SIGLEC1: variants seen among roughly 807,000 people sequenced by gnomAD.
SIGLEC1 encodes sialoadhesin.
A neutral mutation model predicts 148.0 loss-of-function variants in SIGLEC1; 132 were observed. The observed-to-expected ratio is 0.89, with a 90% CI of 0.77 to 1.03. SIGLEC1 has a LOEUF of 1.03. Among genes scored for constraint, SIGLEC1 ranks in the 50% least tolerant of loss-of-function variants. The probability of loss-of-function intolerance (pLI) is 0.00; values close to 1 mark genes in which losing one functional copy is unlikely to be tolerated. For synonymous variants in SIGLEC1, 945 were observed against 969.0 expected, an observed-to-expected ratio of 0.98 and a Z score of 0.46; for missense variants, 2,253 against 2,271.4, an observed-to-expected ratio of 0.99 and a Z score of 0.16.
At position 3,691,385 on chromosome 20, in the gene SIGLEC1, G is replaced by A. The variant is rs926370702; in HGVS notation, c.4546C>T (p.Pro1516Ser). 26 of 1,613,362 alleles carry A rather than the reference G, an allele frequency of 1.6e-5. No individual in the cohort carries two copies. The highest frequency in any genetic ancestry group is 8.0e-5 in the African/African-American group (6 of 74,958). The change falls in exon 18 of 22, where the codon CCC becomes TCC. Residue 1516 changes from proline to serine, a missense_variant. Transcript: ENST00000344754. ...GGAGCAGAGGCAGCAGCCCCAGTGG[G>A]GAGCTCAGCCAGGCAGTGGTACATC... Reference protein sequence around the residue: ...AGMYHCLAELPTGAAASAPVM... With the variant: ...AGMYHCLAELSTGAAASAPVM...
In SIGLEC1 at chr20:3,690,132, G is replaced by A. The variant is rs777450162; in HGVS notation, c.4724C>T (p.Ser1575Phe). The change falls in exon 19 of 22, where the codon TCC (serine) becomes TTC (phenylalanine). Residue 1575 changes from serine (S) to phenylalanine (F), a missense_variant. Transcript: ENST00000344754. ...TLHLGSRLVA[S>F]SQPQGAPAEP... ...TGCAGGAGCACCCTGGGGCTGACTGGAGGCCACCAGTCGACTGCCAAGGTG... is the reference window on the plus strand; with the variant it reads ...TGCAGGAGCACCCTGGGGCTGACTGAAGGCCACCAGTCGACTGCCAAGGTG... 12 of 1,606,906 alleles carry A rather than the reference G, an allele frequency of 7.5e-6. No individual in the cohort carries two copies. In the South Asian group the frequency reaches 1.2e-4, roughly 16 times the overall value.
At position 3,696,639 on chromosome 20, in the gene SIGLEC1, T is replaced by C; in HGVS notation, c.2630A>G (p.Glu877Gly). Residue 877 changes from glutamate (E) to glycine (G), a missense_variant, in exon 11 of 22, where the codon GAG (glutamate) becomes GGG (glycine). Coordinates refer to ENST00000344754, the MANE Select transcript of SIGLEC1 (RefSeq NM_023068.4). ...GGATGATCCAAGAACATTTGTGGCC[T>C]CACAGCGGTAGCTGCCAGAGTCCCC... ...GLGDSGSYRC[E>G]ATNVLGSSNT... is the part of the protein sequence containing the mutation. 1.2e-6 allele frequency: 2 copies of C among 1,613,714 alleles called. No homozygotes were observed. The highest frequency in any genetic ancestry group is 8.5e-7 in the Non-Finnish European group (1 of 1,179,954).
At chr20:3,693,290 C>A (rs894910723) in intron 14 of SIGLEC1, among the ~76,000 whole-genome samples, 157 bp downstream of exon 14, 5 of 152,218 alleles carry the variant, frequency 3.3e-5, no homozygotes, top group Non-Finnish European at 7.4e-5. Flanking sequence ...CAGGACTCAC[C>A]CCAGCGCCCC....
chr20:3,693,620 G>A lies in SIGLEC1; in HGVS notation c.3335C>T (p.Thr1112Ile). 7 of 1,612,198 alleles carry A rather than the reference G, an allele frequency of 4.3e-6. No homozygotes were observed. Among genetic ancestry groups the A allele is most frequent in the East Asian group, 2.2e-5 (1 of 44,834 alleles). ...LVNLTCLVWTTHPAQLTYTWY... is the reference protein window; with the variant it reads ...LVNLTCLVWTIHPAQLTYTWY... The stretch of plus-strand genomic sequence containing the variant: ...TGTGTAGGTGAGCTGGGCCGGGTGA[G>A]TGGTCCACACAAGGCAGGTCAGGTT... Residue 1112 changes from threonine to isoleucine, a missense_variant, in exon 14 of 22, where the codon ACT becomes ATT. Transcript: ENST00000344754.
Position 3,693,489 on chromosome 20 carries a change from G to T in SIGLEC1, c.3466C>A (p.Arg1156=). The T allele has an allele frequency of 6.2e-7, 1 of 1,603,640 alleles. No homozygotes were observed. Among genetic ancestry groups the T allele is most frequent in the South Asian group, 1.1e-5 (1 of 89,810 alleles). The change falls in exon 14 of 22, where the codon CGG becomes AGG. Residue 1156 remains arginine, a synonymous_variant. Coordinates refer to ENST00000344754, the MANE Select transcript of SIGLEC1 (RefSeq NM_023068.4). ...ATAGGTCTGGAGAGGCGGGGTGCCC[G>T]ACCAGGGGGGCCCACACCGCAGCGG... The part of the protein sequence containing the change: ...SYRCGVGPPG[R]APRLSRPITL...
chr20:3,694,320 C>T lies in SIGLEC1; in HGVS notation c.3157G>A (p.Glu1053Lys), dbSNP rs1231557118. 1.2e-6 allele frequency: 2 copies of T among 1,613,190 alleles called. No homozygotes were observed. The highest frequency in any genetic ancestry group is 1.7e-5 in the Admixed American group (1 of 60,022). The change falls in exon 13 of 22, where the codon GAG (glutamate) becomes AAG (lysine). Residue 1053 changes from glutamate (E) to lysine (K), a missense_variant. By Grantham distance (56) the Glu-to-Lys change is moderately conservative (BLOSUM62 1). Coordinates refer to ENST00000344754, the MANE Select transcript of SIGLEC1 (RefSeq NM_023068.4). ...VAVAPNTLRL[E>K]IHGAMLEDEG... The stretch of plus-strand genomic sequence containing the variant: ...TCCTCCAGCATAGCCCCGTGGATCT[C>T]CAGACGCAGTGTGTTGGGGGCCACA...
At chr20:3,695,818 AATT>A (rs2088815255) in intron 11 of SIGLEC1, among the ~76,000 whole-genome samples, 1 of 82,618 alleles carries the variant, frequency 1.2e-5, no homozygotes, top group Admixed American at 1.3e-4. Context: ...GTTTAGGGAG[AATT>A]TTTTTTTTTT....
At chr20:3,701,764 C>A (rs1014121352) in intron 6 of SIGLEC1, 123 bp from the exon 7 acceptor site, 1 of 937,568 alleles carries the variant, frequency 1.1e-6, no homozygotes, top group Non-Finnish European at 1.5e-6. Context: ...GGGGTGATCC[C>A]AAAGTGCCTG....
intron 6 of SIGLEC1, among the ~76,000 whole-genome samples, chr20:3,702,541 T>C (rs1381266933): frequency 6.6e-6 from 1 of 150,598 alleles, no homozygotes; most frequent in Non-Finnish European, 1.5e-5. Flanking sequence ...TGAGCCAAGA[T>C]AGCACCATTG....
chr20:3,694,643 G>A lies in SIGLEC1; in HGVS notation c.2944+20C>T. Reference sequence around the variant, plus strand: ...GACTGCATTCCTTCCCCCACACCTGGATGGGACAAAAGTCCTTACAGGACA... The same window carrying A: ...GACTGCATTCCTTCCCCCACACCTGAATGGGACAAAAGTCCTTACAGGACA... On this transcript the variant is annotated intron_variant, in intron 12 of 21. Transcript: ENST00000344754. 2 of 1,601,188 alleles carry A rather than the reference G, an allele frequency of 1.2e-6. No homozygotes were observed. The highest frequency in any genetic ancestry group is 1.1e-5 in the South Asian group (1 of 89,406).
chr20:3,705,538 C>A (rs990713067), intron 4 of SIGLEC1, among the ~76,000 whole-genome samples: 1 of 152,212 alleles, frequency 6.6e-6, no homozygotes, highest in East Asian at 1.9e-4. Context: ...CAAGCCCCTT[C>A]GAAGCAGTAG....
At chr20:3,695,604 T>C (rs592746) in intron 11 of SIGLEC1, among the ~76,000 whole-genome samples, 970 of 152,274 alleles carry the variant, frequency 6.4e-3, no homozygotes, top group Middle Eastern at 0.01. Flanking sequence ...AGCAGGGTCA[T>C]GCAACTGGGG....
At position 3,703,974 on chromosome 20, in the gene SIGLEC1, T is replaced by C. The variant is rs1353133040; in HGVS notation, c.824A>G (p.Lys275Arg). The C allele has an allele frequency of 6.2e-7, 1 of 1,612,372 alleles. No homozygotes were observed. The highest frequency in any genetic ancestry group is 8.5e-7 in the Non-Finnish European group (1 of 1,178,896). ...GAGGCGTACCCCATCCTTGAGCCACTTAATGGAACTGACTGCAGGGTAGCT... is the reference window on the plus strand; with the variant it reads ...GAGGCGTACCCCATCCTTGAGCCACCTAATGGAACTGACTGCAGGGTAGCT... ...NSSYPAVSSI[K>R]WLKDGVRLQT... The change falls in exon 5 of 22, where the codon AAG becomes AGG. Residue 275 changes from lysine to arginine, a missense_variant. By Grantham distance (26) the Lys-to-Arg change is conservative (BLOSUM62 2). Coordinates refer to ENST00000344754, the MANE Select transcript of SIGLEC1 (RefSeq NM_023068.4).
At chr20:3,698,169 G>C (rs191814876) in intron 8 of SIGLEC1, 36 bp from the exon 9 acceptor site, 5 of 1,512,738 alleles carry the variant, frequency 3.3e-6, no homozygotes, top group Middle Eastern at 2.1e-4. Context: ...TCATCCCACG[G>C]ATGCTCCAGG....
At position 3,704,043 on chromosome 20, in the gene SIGLEC1, A is replaced by T; in HGVS notation, c.755T>A (p.Ile252Asn). 6.2e-7 allele frequency: 1 copy of T among 1,613,618 alleles called. No individual in the cohort carries two copies. The highest frequency in any genetic ancestry group is 1.1e-5 in the South Asian group (1 of 91,048). ...KILLSPSGRN[I>N]LPGELVTLTC... is the part of the protein sequence containing the mutation. ...GAGTGTGACCAGCTCACCTGGAAGG[A>T]TGTTCCTCCCCGAGGGGCTGAGGAG... The change falls in exon 5 of 22, where the codon ATC becomes AAC. Residue 252 changes from isoleucine (I) to asparagine (N), a missense_variant. Transcript: ENST00000344754.
intron 6 of SIGLEC1, among the ~76,000 whole-genome samples, chr20:3,702,232 C>T (rs2087857989): frequency 6.6e-6 from 1 of 152,138 alleles, no homozygotes; most frequent in South Asian, 2.1e-4. Context: ...AAAAAAATGG[C>T]TACAAAAGAC....
At position 3,693,057 on chromosome 20, in the gene SIGLEC1, C is replaced by T; in HGVS notation, c.3583G>A (p.Val1195Met). Residue 1195 changes from valine (V) to methionine (M), a missense_variant, in exon 15 of 22, where the codon GTG becomes ATG. Coordinates refer to ENST00000344754, the MANE Select transcript of SIGLEC1 (RefSeq NM_023068.4). ...AGCTGGGCGGGCGGGCGGCTGTCCACAGTGCACAGTACCAGGGCCAGCTGC... is the reference window on the plus strand; with the variant it reads ...AGCTGGGCGGGCGGGCGGCTGTCCATAGTGCACAGTACCAGGGCCAGCTGC... ...GGQLALVLCT[V>M]DSRPPAQLAL... 1.2e-6 allele frequency: 2 copies of T among 1,608,610 alleles called. No individual in the cohort carries two copies. The highest frequency in any genetic ancestry group is 1.1e-5 in the South Asian group (1 of 90,894).
At position 3,694,453 on chromosome 20, in the gene SIGLEC1, G is replaced by A. The variant is rs751000522; in HGVS notation, c.3024C>T (p.Asp1008=). 23 of 1,608,812 alleles carry A rather than the reference G, an allele frequency of 1.4e-5. No homozygotes were observed. Among genetic ancestry groups the A allele is most frequent in the Non-Finnish European group, 1.7e-5 (20 of 1,176,948 alleles). ...GCCGCAGCTGGGCCGGAGGGTCACT[G>A]TCCACACGGCACAGGAGGAGGCCCA... is the stretch of plus-strand genomic sequence containing the variant. ...GRLGLLLCRV[D]SDPPAQLRLL... The change falls in exon 13 of 22, where the codon GAC becomes GAT. Residue 1008 remains aspartate, a synonymous_variant. Coordinates refer to ENST00000344754, the MANE Select transcript of SIGLEC1 (RefSeq NM_023068.4).
At position 3,691,541 on chromosome 20, in the gene SIGLEC1, T is replaced by C; in HGVS notation, c.4390A>G (p.Ser1464Gly). Residue 1464 changes from serine to glycine, a missense_variant, in exon 18 of 22, where the codon AGC becomes GGC. Transcript: ENST00000344754. ...CCAGGGCCACCCAGGAGGCGGCAGCTGAGGTTCAGGGCAGCGCCCTCAGGC... is the reference window on the plus strand; with the variant it reads ...CCAGGGCCACCCAGGAGGCGGCAGCCGAGGTTCAGGGCAGCGCCCTCAGGC... ...DVPEGAALNLSCRLLGGPGPV... is the reference protein window; with the variant it reads ...DVPEGAALNLGCRLLGGPGPV... 1 of 1,613,184 alleles carries C rather than the reference T, an allele frequency of 6.2e-7. No individual in the cohort carries two copies. Among genetic ancestry groups the C allele is most frequent in the Non-Finnish European group, 8.5e-7 (1 of 1,179,994 alleles).
Sources: allele counts gnomAD v4.1 joint callset (sites outside exome capture counted in the v4.1 genomes callset), GRCh38; gene constraint gnomAD v4.1.1; transcripts MANE v1.5; gene names NCBI Gene and HGNC (gene_info 2026-07-23, HGNC 2026-07-21).